CNTN5: variants seen among roughly 807,000 people sequenced by gnomAD.
CNTN5 encodes the protein contactin 5, also known as contactin-5.
A neutral mutation model predicts 129.1 loss-of-function variants in CNTN5; 77 were observed. The observed-to-expected ratio is 0.60, with a 90% CI of 0.50 to 0.72. CNTN5 has a LOEUF of 0.72. Among genes scored for constraint, CNTN5 ranks in the 30% least tolerant of loss-of-function variants. CNTN5 has a pLI of 0.00. For synonymous variants in CNTN5, 509 were observed against 465.6 expected, an observed-to-expected ratio of 1.09 and a Z score of -1.20; for missense variants, 1,478 against 1,328.8, an observed-to-expected ratio of 1.11 and a Z score of -1.75.
At chr11:99,318,875 A>C (rs941585397) in intron 1 of CNTN5, among the ~76,000 whole-genome samples, 3 of 152,244 alleles carry the variant, frequency 2.0e-5, no homozygotes, top group African/African-American at 7.2e-5. Flanking sequence ...CTTAAATTAA[A>C]AGTTAAAGTT....
At chr11:100,083,303 G>A (rs181061638) in intron 13 of CNTN5, among the ~76,000 whole-genome samples, 1 of 131,234 alleles carries the variant, frequency 7.6e-6, no homozygotes, top group African/African-American at 3.1e-5. Flanking sequence ...GGCAATGAGA[G>A]CAAAACTCTG....
At chr11:99,173,733 C>A (rs555541720) in intron 1 of CNTN5, among the ~76,000 whole-genome samples, 1 of 152,218 alleles carries the variant, frequency 6.6e-6, no homozygotes, top group African/African-American at 2.4e-5. Flanking sequence ...TTAGACTCAA[C>A]AATCGGAATC....
chr11:100,320,098 A>G (rs529272361), intron 21 of CNTN5, among the ~76,000 whole-genome samples: 2 of 152,318 alleles, frequency 1.3e-5, no homozygotes, highest in South Asian at 4.1e-4. Context: ...CAGATTATAT[A>G]GTAGTTCCAT....
intron 3 of CNTN5, among the ~76,000 whole-genome samples, chr11:99,663,763 T>A (rs1177070263): frequency 6.6e-6 from 1 of 152,162 alleles, no homozygotes; most frequent in Non-Finnish European, 1.5e-5. Context: ...TCTGCCATGA[T>A]TCTAAGTTTC....
At chr11:99,585,045 G>C (rs1591318698) in intron 3 of CNTN5, among the ~76,000 whole-genome samples, 1 of 152,306 alleles carries the variant, frequency 6.6e-6, no homozygotes, top group Admixed American at 6.5e-5. Flanking sequence ...AGACTTACCT[G>C]ATTGTTAAGG....
intron 3 of CNTN5, among the ~76,000 whole-genome samples, chr11:99,664,351 C>G (rs995286066): frequency 6.6e-6 from 1 of 152,050 alleles, no homozygotes; most frequent in Non-Finnish European, 1.5e-5. Flanking sequence ...GCCGGGTATC[C>G]AGCTTGAATT....
intron 3 of CNTN5, among the ~76,000 whole-genome samples, chr11:99,766,751 A>G (rs1254363960): frequency 2.0e-5 from 3 of 152,000 alleles, no homozygotes; most frequent in Non-Finnish European, 4.4e-5. Context: ...TTTATGCTCA[A>G]GTTATGCCTA....
intron 7 of CNTN5, among the ~76,000 whole-genome samples, chr11:99,942,101 C>A (rs1950451792): frequency 6.6e-6 from 1 of 152,024 alleles, no homozygotes; most frequent in African/African-American, 2.4e-5. Flanking sequence ...CTCAAGATAG[C>A]TCCAACTATC....
At chr11:99,190,608 G>T (rs1056587280) in intron 1 of CNTN5, among the ~76,000 whole-genome samples, 5 of 151,204 alleles carry the variant, frequency 3.3e-5, no homozygotes, top group African/African-American at 9.7e-5. Flanking sequence ...TAGTGTAGAG[G>T]TCTTAAATTC....
chr11:99,054,495 A>T (rs1864552849), intron 1 of CNTN5, among the ~76,000 whole-genome samples: 1 of 151,944 alleles, frequency 6.6e-6, no homozygotes, highest in Non-Finnish European at 1.5e-5. Flanking sequence ...AACGAAGAAC[A>T]TAGGCAGAGT....
At chr11:99,241,523 C>T (rs779406434) in intron 1 of CNTN5, among the ~76,000 whole-genome samples, 2 of 151,960 alleles carry the variant, frequency 1.3e-5, no homozygotes, top group Non-Finnish European at 2.9e-5. Context: ...ACACTTTACT[C>T]TCAGTGAAGT....
At chr11:99,486,517 A>G (rs1445992160) in intron 2 of CNTN5, among the ~76,000 whole-genome samples, 2 of 152,148 alleles carry the variant, frequency 1.3e-5, no homozygotes, top group Non-Finnish European at 2.9e-5. Flanking sequence ...ATTCCATTTT[A>G]GAACAATTTA....
chr11:99,458,626 G>A (rs975122268), intron 2 of CNTN5, among the ~76,000 whole-genome samples: 4 of 151,854 alleles, frequency 2.6e-5, no homozygotes, highest in East Asian at 1.9e-4. Flanking sequence ...AAAGCTATTC[G>A]TGCCAATACA....
At chr11:100,174,323 C>A (rs535592265) in intron 13 of CNTN5, among the ~76,000 whole-genome samples, 6 of 152,180 alleles carry the variant, frequency 3.9e-5, no homozygotes, top group African/African-American at 1.4e-4. Flanking sequence ...ATGTTCTGAG[C>A]TTTAAAAAAG....
At chr11:99,645,277 A>G (rs1486458550) in intron 3 of CNTN5, among the ~76,000 whole-genome samples, 1 of 150,314 alleles carries the variant, frequency 6.7e-6, no homozygotes, top group Admixed American at 6.6e-5. Flanking sequence ...AAAAAAAAAA[A>G]AAAAAAAAAA....
At chr11:99,126,683 C>A (rs1412073070) in intron 1 of CNTN5, among the ~76,000 whole-genome samples, 1 of 152,134 alleles carries the variant, frequency 6.6e-6, no homozygotes, top group Non-Finnish European at 1.5e-5. Flanking sequence ...GATGCATAAG[C>A]AATGAAAACT....
At chr11:99,344,784 T>C (rs1038244075) in intron 2 of CNTN5, among the ~76,000 whole-genome samples, 2 of 152,186 alleles carry the variant, frequency 1.3e-5, no homozygotes, top group Non-Finnish European at 2.9e-5. Context: ...GAGACCCAGC[T>C]AAGGGAGCAT....
At chr11:99,606,584 T>G (rs998907387) in intron 3 of CNTN5, among the ~76,000 whole-genome samples, 3 of 137,614 alleles carry the variant, frequency 2.2e-5, no homozygotes, top group South Asian at 4.9e-4. Context: ...CTTCAAAGAA[T>G]TGGAAAAAAC....
intron 20 of CNTN5, among the ~76,000 whole-genome samples, chr11:100,302,119 T>C (rs1951236097): frequency 1.3e-5 from 2 of 151,658 alleles, no homozygotes; most frequent in Admixed American, 1.3e-4. Context: ...ATAGCAATAA[T>C]AGATCAACTT....
Sources: gnomAD v4.1 joint callset for allele counts (sites outside exome capture counted in the v4.1 genomes callset) on GRCh38, gnomAD v4.1.1 for gene constraint, MANE v1.5 for transcripts, NCBI Gene and HGNC (gene_info 2026-07-23, HGNC 2026-07-21) for gene names.